DNMBP: variants seen among roughly 807,000 people sequenced by gnomAD.
DNMBP encodes the protein dynamin-binding protein.
A neutral mutation model predicts 150.0 loss-of-function variants in DNMBP; 87 were observed. The ratio of observed to expected loss-of-function variants is 0.58; its 90% confidence interval spans 0.49 to 0.69. DNMBP has a LOEUF of 0.69. Ranked by LOEUF, DNMBP falls within the 30% of genes least tolerant of loss-of-function variation. DNMBP has a pLI of 0.00. For synonymous variants in DNMBP, 711 were observed against 750.4 expected (o/e 0.95, Z 0.86); for missense variants, 1,774 against 1,949.0 (o/e 0.91, Z 1.69).
At chr10:99,989,515 A>G (rs1393243185) in intron 1 of DNMBP, among the ~76,000 whole-genome samples, 2 of 152,228 alleles carry the variant, frequency 1.3e-5, no homozygotes, top group Non-Finnish European at 2.9e-5. Context: ...ATTCGAGACC[A>G]GCCTAGCCAA....
intron 4 of DNMBP, among the ~76,000 whole-genome samples, chr10:99,931,372 T>C (rs2040155735): frequency 6.6e-6 from 1 of 152,172 alleles, no homozygotes; most frequent in African/African-American, 2.4e-5. Flanking sequence ...TTTTCTGGAA[T>C]TGAAGTCACC....
At chr10:99,879,762 C>T (rs375612866) in intron 16 of DNMBP, 49 bp downstream of exon 16, 2 of 1,600,756 alleles carry the variant, frequency 1.2e-6, no homozygotes, top group Non-Finnish European at 1.7e-6. Flanking sequence ...GTACCCACAA[C>T]ACATCTGCTG....
At chr10:99,895,122 C>CAT in intron 10 of DNMBP, 72 bp from the exon 11 acceptor site, 1 of 510,100 alleles carries the variant, frequency 2.0e-6, no homozygotes, top group Non-Finnish European at 3.3e-6. Flanking sequence ...AAGTAGCTTG[C>CAT]TTTTTTTTTT....
intron 1 of DNMBP, among the ~76,000 whole-genome samples, chr10:99,979,125 A>C (rs1462877567): frequency 1.3e-5 from 2 of 152,184 alleles, no homozygotes; most frequent in African/African-American, 2.4e-5. Flanking sequence ...GCATCAACCA[A>C]AGCCCTATGC....
At chr10:99,942,477 G>A (rs957153091) in intron 4 of DNMBP, among the ~76,000 whole-genome samples, 1 of 152,176 alleles carries the variant, frequency 6.6e-6, no homozygotes, top group Non-Finnish European at 1.5e-5. Flanking sequence ...TCAGGTAGGG[G>A]TGTGATGGTG....
chr10:99,969,918 G>C (rs1050676103), intron 2 of DNMBP, among the ~76,000 whole-genome samples: 1 of 152,146 alleles, frequency 6.6e-6, no homozygotes, highest in African/African-American at 2.4e-5. Context: ...GTCTGCAGCA[G>C]TGAGTTTTCT....
At chr10:99,877,433 A>G in intron 16 of DNMBP, 97 bp from the exon 17 acceptor site, 1 of 889,436 alleles carries the variant, frequency 1.1e-6, no homozygotes, top group Non-Finnish European at 1.7e-6. Context: ...CCACATGCCC[A>G]CATGTGGCTA....
At chr10:100,006,868 C>T (rs2041077629) in intron 1 of DNMBP, among the ~76,000 whole-genome samples, 2 of 152,198 alleles carry the variant, frequency 1.3e-5, no homozygotes. Flanking sequence ...AATCCCAGCA[C>T]TTTGGGAGGC....
intron 4 of DNMBP, among the ~76,000 whole-genome samples, chr10:99,952,621 C>T (rs2040437639): frequency 6.6e-6 from 1 of 152,210 alleles, no homozygotes. Context: ...ACCCCTCCTA[C>T]CGCACCATCT....
intron 9 of DNMBP, among the ~76,000 whole-genome samples, chr10:99,896,901 GT>G (rs1377587814): frequency 1.3e-5 from 2 of 152,288 alleles, no homozygotes; most frequent in South Asian, 4.1e-4. Flanking sequence ...AAGTAGAAGG[GT>G]GGCAAGGGGA....
rs752207783 is a variant in DNMBP, at chr10:99,956,018, C to T, written c.1456G>A (p.Ala486Thr). 6.2e-6 allele frequency: 10 copies of T among 1,614,154 alleles called. No individual in the cohort carries two copies. The highest frequency in any genetic ancestry group is 8.5e-6 in the Non-Finnish European group (10 of 1,180,038). The change falls in exon 4 of 17, where the codon GCT (alanine) becomes ACT (threonine). Residue 486 changes from alanine to threonine, a missense_variant. Physicochemically the swap from Ala to Thr is moderately conservative, Grantham distance 58. This residue lies in a region of DNMBP where 1,430 missense variants were observed against 1,492.5 expected (regional missense o/e 0.96). Transcript: ENST00000324109. ...LPLYRGSSVS[A>T]SRVVKPRQSS... Reference sequence around the variant, plus strand: ...TGTCTGGGTTTGACTACCCTTGAAGCTGAAACAGAAGAGCCCCTGTAAAGA... The same window carrying T: ...TGTCTGGGTTTGACTACCCTTGAAGTTGAAACAGAAGAGCCCCTGTAAAGA...
intron 1 of DNMBP, among the ~76,000 whole-genome samples, chr10:99,986,009 T>C (rs2040823637): frequency 6.6e-6 from 1 of 152,094 alleles, no homozygotes; most frequent in Non-Finnish European, 1.5e-5. Context: ...CCTCGCCCTC[T>C]TGAAGTGCTG....
chr10:99,930,263 A>G (rs2040134803), intron 4 of DNMBP: 1 of 702,986 alleles, frequency 1.4e-6, no homozygotes, highest in Non-Finnish European at 2.6e-6. Context: ...AATTCGCTGA[A>G]GAATCATCCA....
chr10:99,931,505 G>A (rs371419277), intron 4 of DNMBP, among the ~76,000 whole-genome samples: 6 of 152,258 alleles, frequency 3.9e-5, no homozygotes, highest in East Asian at 1.9e-4. Context: ...ATTTTATAGC[G>A]TAAACATTCT....
At chr10:99,968,643 G>A (rs1301876064) in intron 3 of DNMBP, among the ~76,000 whole-genome samples, 1 of 148,422 alleles carries the variant, frequency 6.7e-6, no homozygotes, top group South Asian at 2.1e-4. Flanking sequence ...AGCTGAGATC[G>A]CACCACTGAA....
chr10:99,945,249 A>G (rs2133311860), intron 4 of DNMBP, among the ~76,000 whole-genome samples: 1 of 152,390 alleles, frequency 6.6e-6, no homozygotes, highest in South Asian at 2.1e-4. Flanking sequence ...GAGAGAATAA[A>G]GCCTAACAAT....
At chr10:99,910,969 G>T (rs1007548585) in intron 4 of DNMBP, among the ~76,000 whole-genome samples, 1 of 152,192 alleles carries the variant, frequency 6.6e-6, no homozygotes, top group Non-Finnish European at 1.5e-5. Context: ...GCCAAGTGTG[G>T]TGGCTCATGC....
At chr10:100,003,109 G>A (rs2041033830) in intron 1 of DNMBP, among the ~76,000 whole-genome samples, 1 of 152,090 alleles carries the variant, frequency 6.6e-6, no homozygotes, top group East Asian at 1.9e-4. Flanking sequence ...CAGCACTTTG[G>A]GAGGCCAAGG....
Position 99,886,515 on chromosome 10 carries a change from TAC to T in DNMBP, c.3401_3402del (p.Cys1134TyrfsTer24). The T allele has an allele frequency of 6.2e-7, 1 of 1,614,196 alleles. No homozygotes were observed. The highest frequency in any genetic ancestry group is 1.1e-5 in the South Asian group (1 of 91,090). On this transcript the variant is annotated frameshift_variant, in exon 13 of 17. Coordinates refer to ENST00000324109, the MANE Select transcript of DNMBP (RefSeq NM_015221.4). LOFTEE classifies it high-confidence loss of function. ...TCCTTTAGCTTTTCTGCCCGTTCTG[TAC>T]AGTTATAGAAGTCCAGGAGCTTGTC... The part of the protein sequence containing the change: ...RFDKLLDFYN[C>X]TERAEKLKDK...
Sources: gnomAD v4.1 joint callset for allele counts (sites outside exome capture counted in the v4.1 genomes callset) on GRCh38, gnomAD v4.1.1 for gene constraint, gnomAD v4.1.1 regional missense constraint, MANE v1.5 for transcripts, NCBI Gene and HGNC (gene_info 2026-07-23, HGNC 2026-07-21) for gene names.